Variants in BTRC observed in about 807,000 individuals in gnomAD.
The protein encoded by BTRC is beta-transducin repeat containing E3 ubiquitin protein ligase.
In BTRC, 42 loss-of-function variants were observed where a neutral mutation model predicts 85.5. The observed-to-expected ratio is 0.49, with a 90% CI of 0.38 to 0.64. The LOEUF (loss-of-function observed/expected upper bound fraction) is 0.64, where lower values mean the gene tolerates loss of function less well. Ranked by LOEUF, BTRC falls within the 30% of genes least tolerant of loss-of-function variation. The pLI, the probability that BTRC is intolerant of heterozygous loss-of-function variation, is 0.00. For missense variants in BTRC, 594 were observed against 743.5 expected (o/e 0.80, Z 2.34); for synonymous variants, 255 against 263.3 (o/e 0.97, Z 0.30).
intron 1 of BTRC, among the ~76,000 whole-genome samples, chr10:101,375,798 T>C (rs904203202): frequency 1.3e-5 from 2 of 152,128 alleles, no homozygotes; most frequent in African/African-American, 4.8e-5. Context: ...TTTTCCCCCC[T>C]CTTCCCTTTT....
At chr10:101,536,423 G>C in intron 11 of BTRC, 120 bp from the exon 12 acceptor site, 2 of 683,890 alleles carry the variant, frequency 2.9e-6, no homozygotes, top group South Asian at 3.5e-5. Flanking sequence ...ACATATCTGT[G>C]TGGGTGGTGA....
chr10:101,476,730 C>T (rs982024195), intron 3 of BTRC, among the ~76,000 whole-genome samples: 2 of 152,046 alleles, frequency 1.3e-5, no homozygotes, highest in Admixed American at 1.3e-4. Flanking sequence ...AGGCATGAGC[C>T]ACTGTGCTTG....
At chr10:101,521,953 A>G in intron 5 of BTRC, 83 bp downstream of exon 5, 1 of 1,053,040 alleles carries the variant, frequency 9.5e-7, no homozygotes, top group Non-Finnish European at 1.3e-6. Flanking sequence ...TCTCTTTAAA[A>G]GTCTTTATTG....
At chr10:101,541,041 G>A (rs2062457240) in intron 13 of BTRC, among the ~76,000 whole-genome samples, 1 of 151,364 alleles carries the variant, frequency 6.6e-6, no homozygotes. Flanking sequence ...CAAATACATA[G>A]AAATATACTT....
intron 1 of BTRC, among the ~76,000 whole-genome samples, chr10:101,383,963 TCTC>T (rs781585857): frequency 1.4e-4 from 21 of 152,192 alleles, no homozygotes; most frequent in Non-Finnish European, 2.6e-4. Context: ...GATTCTTCCG[TCTC>T]AGCCTCCCAA....
intron 4 of BTRC, among the ~76,000 whole-genome samples, chr10:101,506,290 C>T (rs1392551312): frequency 6.6e-6 from 1 of 152,158 alleles, no homozygotes; most frequent in Non-Finnish European, 1.5e-5. Flanking sequence ...GCCATCAGCT[C>T]ATTGGCACTA....
chr10:101,380,804 A>T (rs1388041637), intron 1 of BTRC, among the ~76,000 whole-genome samples: 4 of 152,218 alleles, frequency 2.6e-5, no homozygotes, highest in African/African-American at 9.6e-5. Flanking sequence ...GTGATACATT[A>T]TGAGAAATAC....
At chr10:101,474,023 A>G (rs1945609497) in intron 3 of BTRC, among the ~76,000 whole-genome samples, 1 of 152,106 alleles carries the variant, frequency 6.6e-6, no homozygotes, top group Non-Finnish European at 1.5e-5. Context: ...TTTTATTGCT[A>G]TGTTCAAGTT....
At chr10:101,415,515 T>A (rs1943916339) in intron 1 of BTRC, among the ~76,000 whole-genome samples, 1 of 6,004 alleles carries the variant, frequency 1.7e-4, no homozygotes, top group Admixed American at 4.0e-3. Context: ...TGTTATGTTA[T>A]GTTATGTTAT....
chr10:101,424,307 C>A (rs1311452842), intron 1 of BTRC, among the ~76,000 whole-genome samples: 2 of 152,098 alleles, frequency 1.3e-5, no homozygotes, highest in Non-Finnish European at 2.9e-5. Context: ...ATATGATTAT[C>A]CTATCTGACA....
At chr10:101,492,750 C>T (rs1016214071) in intron 4 of BTRC, among the ~76,000 whole-genome samples, 1 of 152,008 alleles carries the variant, frequency 6.6e-6, no homozygotes, top group African/African-American at 2.4e-5. Context: ...GTTTTTCTTA[C>T]GAAAGATGGA....
intron 1 of BTRC, among the ~76,000 whole-genome samples, chr10:101,372,874 A>C (rs965656630): frequency 3.3e-5 from 5 of 152,026 alleles, no homozygotes; most frequent in African/African-American, 1.2e-4. Flanking sequence ...AATAAAAAAG[A>C]ATTAGCTAGT....
At chr10:101,537,349 A>G (rs1415997055) in intron 12 of BTRC, among the ~76,000 whole-genome samples, 1 of 152,082 alleles carries the variant, frequency 6.6e-6, no homozygotes, top group Non-Finnish European at 1.5e-5. Context: ...CCAACATGGC[A>G]AAACCCAGTC....
At chr10:101,518,058 G>A (rs1160572645) in intron 4 of BTRC, among the ~76,000 whole-genome samples, 11 of 150,084 alleles carry the variant, frequency 7.3e-5, no homozygotes, top group Non-Finnish European at 1.2e-4. Flanking sequence ...GACTACAGGC[G>A]CCCGCCACTA....
chr10:101,491,558 G>A (rs1469071505), intron 4 of BTRC, among the ~76,000 whole-genome samples: 1 of 152,098 alleles, frequency 6.6e-6, no homozygotes, highest in Non-Finnish European at 1.5e-5. Context: ...TTAGCTGGGT[G>A]TGGTGGCAGG....
chr10:101,367,043 A>AT (rs1564730897), intron 1 of BTRC, among the ~76,000 whole-genome samples: 21 of 43,400 alleles, frequency 4.8e-4, no homozygotes, highest in African/African-American at 1.4e-3. Flanking sequence ...TATATATATA[A>AT]ATATATATAT....
chr10:101,465,885 T>A (rs989781497), intron 3 of BTRC, among the ~76,000 whole-genome samples: 1 of 152,194 alleles, frequency 6.6e-6, no homozygotes, highest in Non-Finnish European at 1.5e-5. Flanking sequence ...TTTCTTAGTT[T>A]CAGAATAATC....
At chr10:101,433,235 C>G (rs1044861068) in intron 2 of BTRC, among the ~76,000 whole-genome samples, 3 of 152,122 alleles carry the variant, frequency 2.0e-5, no homozygotes, top group African/African-American at 7.2e-5. Flanking sequence ...GTGTTGAATA[C>G]TTTACATACA....
At chr10:101,455,269 C>A (rs763917774) in intron 2 of BTRC, among the ~76,000 whole-genome samples, 4 of 149,366 alleles carry the variant, frequency 2.7e-5, no homozygotes, top group Middle Eastern at 3.5e-3. Flanking sequence ...GTTACCCAGG[C>A]TGGTCTTGAA....
Sources: gnomAD v4.1 joint callset for allele counts (sites outside exome capture counted in the v4.1 genomes callset) on GRCh38, gnomAD v4.1.1 for gene constraint, MANE v1.5 for transcripts, NCBI Gene and HGNC (gene_info 2026-07-23, HGNC 2026-07-21) for gene names.